NALCN: variants seen among roughly 807,000 people sequenced by gnomAD.
The protein encoded by NALCN is sodium leak channel, non-selective.
NALCN carries 111 observed loss-of-function variants against 225.3 expected under a neutral mutation model. That is an observed-to-expected ratio of 0.49 (90% CI 0.42 to 0.58). The LOEUF (loss-of-function observed/expected upper bound fraction) is 0.58. NALCN is among the 20% of genes least tolerant of loss of function. NALCN has a pLI of 0.00. For synonymous variants in NALCN, 764 were observed against 769.0 expected, an observed-to-expected ratio of 0.99 and a Z score of 0.11; for missense variants, 1,378 against 2,202.4, an observed-to-expected ratio of 0.63 and a Z score of 7.49.
intron 13 of NALCN, among the ~76,000 whole-genome samples, chr13:101,211,487 A>G (rs983551748): frequency 1.1e-4 from 16 of 152,080 alleles, no homozygotes; most frequent in Admixed American, 3.3e-4. Flanking sequence ...AAGGAAGTAC[A>G]CAGGATATTA....
intron 10 of NALCN, among the ~76,000 whole-genome samples, chr13:101,265,233 C>T (rs1315510568): frequency 4.6e-5 from 7 of 152,096 alleles, no homozygotes; most frequent in Non-Finnish European, 1.0e-4. Context: ...TTCTATGAAA[C>T]ATGATTGTAT....
chr13:101,078,605 C>T (rs1183394306), intron 34 of NALCN, among the ~76,000 whole-genome samples: 2 of 152,164 alleles, frequency 1.3e-5, no homozygotes, highest in Non-Finnish European at 2.9e-5. Context: ...TTACCCAATG[C>T]CTGTACCCCC....
intron 11 of NALCN, among the ~76,000 whole-genome samples, chr13:101,248,132 T>G (rs1401124967): frequency 6.6e-6 from 1 of 152,176 alleles, no homozygotes; most frequent in Non-Finnish European, 1.5e-5. Context: ...AACATATGCA[T>G]GCATGTATCT....
rs1555346500 is a variant in NALCN, at chr13:101,397,121, C to CACAT, written c.109-1757_109-1756insATGT. ...ATATATATATATATACATACACATACATATATATAATGTGTGCATATACAC... is the reference window on the plus strand; with the variant it reads ...ATATATATATATATACATACACATACACATATATATATAATGTGTGCATATACAC... On this transcript the variant is annotated intron_variant, in intron 2 of 43. Transcript: ENST00000251127. Among the ~76,000 whole-genome samples, 55 of 108,990 alleles carry CACAT rather than the reference C, an allele frequency of 5.0e-4. 2 individuals carry two copies. The highest frequency in any genetic ancestry group is 1.6e-3 in the African/African-American group (45 of 29,030). The allele number at this position is 108,990 out of a possible 152,430, so 71.5% of individuals were successfully genotyped here. A position where few individuals can be genotyped will look rare whatever the true frequency, so the allele number is the denominator to read the frequency against.
At chr13:101,358,852 T>C (rs933425516) in intron 6 of NALCN, among the ~76,000 whole-genome samples, 2 of 152,192 alleles carry the variant, frequency 1.3e-5, no homozygotes, top group African/African-American at 2.4e-5. Context: ...CACCATGGAA[T>C]ACTATGCAGC....
intron 3 of NALCN, among the ~76,000 whole-genome samples, chr13:101,388,330 A>C (rs1320139029): frequency 6.6e-6 from 1 of 152,226 alleles, no homozygotes; most frequent in East Asian, 1.9e-4. Context: ...CTAAAATTGC[A>C]TTACAGTTGT....
chr13:101,129,061 T>G (rs1301986803), intron 17 of NALCN, among the ~76,000 whole-genome samples: 1 of 152,234 alleles, frequency 6.6e-6, no homozygotes, highest in Non-Finnish European at 1.5e-5. Flanking sequence ...CTTTTTGTGA[T>G]GTTACGGGTC....
chr13:101,119,055 G>T (rs1244668286), intron 18 of NALCN, among the ~76,000 whole-genome samples: 1 of 152,158 alleles, frequency 6.6e-6, no homozygotes, highest in African/African-American at 2.4e-5. Flanking sequence ...ATGGGAAAAA[G>T]CAAATGGTGT....
At chr13:101,165,121 T>C (rs1356467623) in intron 15 of NALCN, among the ~76,000 whole-genome samples, 1 of 152,196 alleles carries the variant, frequency 6.6e-6, no homozygotes, top group Non-Finnish European at 1.5e-5. Context: ...TTCAGCGTGT[T>C]GTACAAATAT....
chr13:101,083,962 A>T (rs539450392), intron 30 of NALCN, among the ~76,000 whole-genome samples, 158 bp from the exon 31 acceptor site: 1 of 152,304 alleles, frequency 6.6e-6, no homozygotes. Flanking sequence ...CAGAATGCTC[A>T]AAGTTGGTCT....
chr13:101,306,789 G>A (rs137865157), intron 7 of NALCN, among the ~76,000 whole-genome samples: 1 of 152,192 alleles, frequency 6.6e-6, no homozygotes, highest in African/African-American at 2.4e-5. Flanking sequence ...TGCTAAGGTC[G>A]CATGGCAAGG....
chr13:101,082,029 A>T (rs1407030763), intron 33 of NALCN, among the ~76,000 whole-genome samples: 1 of 151,992 alleles, frequency 6.6e-6, no homozygotes, highest in Non-Finnish European at 1.5e-5. Context: ...AGGCACGTGC[A>T]ACCACTCCTG....
intron 15 of NALCN, among the ~76,000 whole-genome samples, chr13:101,153,319 T>G (rs2037743515): frequency 6.6e-6 from 1 of 152,322 alleles, no homozygotes; most frequent in South Asian, 2.1e-4. Context: ...CCACAGTGAC[T>G]GCTTGCTCTA....
At chr13:101,132,999 T>A (rs1454619518) in intron 17 of NALCN, among the ~76,000 whole-genome samples, 1 of 152,174 alleles carries the variant, frequency 6.6e-6, no homozygotes, top group Non-Finnish European at 1.5e-5. Flanking sequence ...TCCTAACTCA[T>A]TAAAGCTAGT....
intron 7 of NALCN, among the ~76,000 whole-genome samples, chr13:101,317,147 T>C (rs1226309481): frequency 1.3e-5 from 2 of 152,176 alleles, no homozygotes; most frequent in African/African-American, 4.8e-5. Context: ...TGAAATTGTT[T>C]AGTCAAATAT....
chr13:101,078,614 C>T (rs1037513327), intron 34 of NALCN, among the ~76,000 whole-genome samples: 2 of 152,184 alleles, frequency 1.3e-5, no homozygotes, highest in African/African-American at 4.8e-5. Context: ...GCCTGTACCC[C>T]CATTGTATCT....
rs71121180 is a variant in NALCN, at chr13:101,286,864, T to TACACACAC, written c.1048-2853_1048-2846dup. 4.9e-3 allele frequency among the ~76,000 whole-genome samples: 725 copies of TACACACAC among 147,048 alleles called. 7 individuals carry two copies. Among genetic ancestry groups the TACACACAC allele is most frequent in the South Asian group, 0.023 (106 of 4,564 alleles). On this transcript the variant is annotated intron_variant, in intron 9 of 43. Coordinates refer to ENST00000251127, the MANE Select transcript of NALCN (RefSeq NM_052867.4). ...TTTACAGTTAACATTCCAGGTATTA[T>TACACACAC]ACACACACACACACACACACACACA...
intron 28 of NALCN, 71 bp downstream of exon 28, chr13:101,095,503 A>G (rs1275263610): frequency 8.1e-6 from 10 of 1,240,842 alleles, no homozygotes; most frequent in Non-Finnish European, 1.2e-5. Context: ...TACATGCCAT[A>G]TGATACTTAT....
chr13:101,197,090 T>C (rs2039921620), intron 13 of NALCN, among the ~76,000 whole-genome samples: 1 of 152,196 alleles, frequency 6.6e-6, no homozygotes, highest in Non-Finnish European at 1.5e-5. Context: ...TTATTTTGCC[T>C]CTGGAACAAG....
Sources: allele counts gnomAD v4.1 joint callset (sites outside exome capture counted in the v4.1 genomes callset), GRCh38; gene constraint gnomAD v4.1.1; transcripts MANE v1.5; gene names NCBI Gene and HGNC (gene_info 2026-07-23, HGNC 2026-07-21).